CRTC3: variants seen among roughly 807,000 people sequenced by gnomAD.
CRTC3 encodes CREB-regulated transcription coactivator 3.
CRTC3 carries 26 observed loss-of-function variants against 74.5 expected under a neutral mutation model. The observed-to-expected ratio is 0.35, with a 90% CI of 0.26 to 0.48. CRTC3 has a LOEUF of 0.48. Among genes scored for constraint, CRTC3 ranks in the 20% least tolerant of loss-of-function variants. The pLI is 0.99. For synonymous variants in CRTC3, 377 were observed against 325.8 expected (o/e 1.16, Z -1.69); for missense variants, 760 against 787.3 (o/e 0.97, Z 0.41).
At chr15:90,559,586 G>T (rs1966968665) in intron 2 of CRTC3, among the ~76,000 whole-genome samples, 1 of 152,112 alleles carries the variant, frequency 6.6e-6, no homozygotes, top group Non-Finnish European at 1.5e-5. Flanking sequence ...TTTCCTGATT[G>T]CTGGAAAAGT....
At chr15:90,601,969 G>A (rs1356102113) in intron 3 of CRTC3, among the ~76,000 whole-genome samples, 2 of 152,126 alleles carry the variant, frequency 1.3e-5, no homozygotes, top group Non-Finnish European at 2.9e-5. Context: ...GTTTCCAGGG[G>A]GTGAGGTACC....
chr15:90,606,284 A>G (rs1314979750), intron 5 of CRTC3, among the ~76,000 whole-genome samples: 4 of 136,392 alleles, frequency 2.9e-5, no homozygotes, highest in African/African-American at 1.1e-4. Flanking sequence ...AAAATAGGCC[A>G]GGCACAGTGG....
chr15:90,638,815 G>A lies in CRTC3; in HGVS notation c.1548G>A (p.Gln516=). 2 of 1,613,420 alleles carry A rather than the reference G, an allele frequency of 1.2e-6. No individual in the cohort carries two copies. Among genetic ancestry groups the A allele is most frequent in the Non-Finnish European group, 1.7e-6 (2 of 1,179,402 alleles). Residue 516 remains glutamine, a splice_region_variant and synonymous_variant, in exon 13 of 15, where the codon CAG becomes CAA. Transcript: ENST00000268184. ...SMRPGPAFPQ[Q]VPLVQQGSRE... is the part of the protein sequence containing the mutation. ...GGCCAGGCCCTGCCTTTCCTCAACA[G>A]GTGGGTGATCGCCCCTGCCTTCTCC...
intron 3 of CRTC3, chr15:90,599,518 T>A (rs894193386): frequency 3.9e-5 from 6 of 152,236 alleles, no homozygotes; most frequent in Non-Finnish European, 7.3e-5. Flanking sequence ...AATAAACTTC[T>A]TCTAGATTTT....
intron 1 of CRTC3, among the ~76,000 whole-genome samples, chr15:90,531,392 C>CTA (rs1203438903): frequency 6.6e-6 from 1 of 152,124 alleles, no homozygotes; most frequent in Admixed American, 6.6e-5. Context: ...AGTAAGAACT[C>CTA]TAGTTTGCCA....
intron 2 of CRTC3, among the ~76,000 whole-genome samples, chr15:90,542,409 C>T (rs145778816): frequency 0.021 from 3,176 of 151,988 alleles, 49 homozygotes; most frequent in Non-Finnish European, 0.032. Context: ...GAACTCCTGA[C>T]CTCAGGTGAT....
chr15:90,632,951 G>T (rs1464342882), intron 11 of CRTC3, among the ~76,000 whole-genome samples: 2 of 152,016 alleles, frequency 1.3e-5, no homozygotes, highest in Non-Finnish European at 2.9e-5. Flanking sequence ...TTGGTGTTAG[G>T]CATTATCTAA....
chr15:90,613,129 G>T (rs1436077494), intron 6 of CRTC3, among the ~76,000 whole-genome samples: 2 of 148,814 alleles, frequency 1.3e-5, no homozygotes, highest in Non-Finnish European at 3.0e-5. Flanking sequence ...GTTGCAGTGA[G>T]CCAAGGTCAC....
rs775842153 is a variant in CRTC3, at chr15:90,638,763, A to C, written c.1496A>C (p.Asp499Ala). 2 of 1,614,116 alleles carry C rather than the reference A, an allele frequency of 1.2e-6. No individual in the cohort carries two copies. Among genetic ancestry groups the C allele is most frequent in the Non-Finnish European group, 1.7e-6 (2 of 1,180,010 alleles). ...TCATCTTTGACCAACTTCTTCCCAG[A>C]TGTGGGTTTTGACCAGCAGTCCATG... is the stretch of plus-strand genomic sequence containing the variant. ...QGSSLTNFFP[D>A]VGFDQQSMRP... Residue 499 changes from aspartate to alanine, a missense_variant, in exon 13 of 15, where the codon GAT becomes GCT. This residue lies in a region of CRTC3 where 652 missense variants were observed against 635.2 expected (regional missense o/e 1.03). Transcript: ENST00000268184.
chr15:90,642,220 C>A lies in CRTC3; in HGVS notation c.*80C>A. ...AATAGAATGAAGCCAGCTGATACCACGGGCTTTCGTTATCTTGACATAGAA... is the reference window on the plus strand; with the variant it reads ...AATAGAATGAAGCCAGCTGATACCAAGGGCTTTCGTTATCTTGACATAGAA... On this transcript the variant is annotated 3_prime_UTR_variant, in exon 15 of 15. Coordinates refer to ENST00000268184, the MANE Select transcript of CRTC3 (RefSeq NM_022769.5). The A allele has an allele frequency of 3.2e-6, 4 of 1,231,774 alleles. No homozygotes were observed. Among genetic ancestry groups the A allele is most frequent in the Non-Finnish European group, 4.7e-6 (4 of 853,986 alleles). 76.3% of individuals were successfully genotyped at this position (1,231,774 alleles called of 1,614,324 possible). A position where few individuals can be genotyped will look rare whatever the true frequency, so the allele number is the denominator to read the frequency against.
At chr15:90,571,119 C>G (rs1394205119) in intron 2 of CRTC3, among the ~76,000 whole-genome samples, 1 of 152,148 alleles carries the variant, frequency 6.6e-6, no homozygotes, top group Non-Finnish European at 1.5e-5. Context: ...GCGTGTCAGA[C>G]ACAATGCTTG....
chr15:90,617,794 G>T, intron 7 of CRTC3, 89 bp from the exon 8 acceptor site: 1 of 836,178 alleles, frequency 1.2e-6, no homozygotes, highest in Non-Finnish European at 2.0e-6. Flanking sequence ...GCCCCATAAA[G>T]TGCTAGGATT....
chr15:90,610,708 T>A (rs7183485), intron 6 of CRTC3, among the ~76,000 whole-genome samples: 143,704 of 152,286 alleles, frequency 0.94, 68,005 homozygotes, highest in Middle Eastern at 0.99. Context: ...CATTTCACAC[T>A]TACATGCAGA....
chr15:90,561,885 T>G (rs193099918), intron 2 of CRTC3, among the ~76,000 whole-genome samples: 26 of 152,348 alleles, frequency 1.7e-4, no homozygotes, highest in African/African-American at 4.6e-4. Context: ...AGTTGTTTAT[T>G]ATTACTGTGG....
At chr15:90,616,669 T>A (rs999197369) in intron 7 of CRTC3, among the ~76,000 whole-genome samples, 2 of 152,238 alleles carry the variant, frequency 1.3e-5, no homozygotes, top group Non-Finnish European at 2.9e-5. Context: ...TCCTGAGGGC[T>A]GGCCCTTGTT....
At chr15:90,639,741 TGCCCA>T (rs1340241841) in intron 13 of CRTC3, among the ~76,000 whole-genome samples, 1 of 148,092 alleles carries the variant, frequency 6.8e-6, no homozygotes, top group Non-Finnish European at 1.5e-5. Flanking sequence ...CGAGCCACTG[TGCCCA>T]GCCAAGAACT....
chr15:90,641,467 G>A lies in CRTC3; in HGVS notation c.1651+268G>A, dbSNP rs1329925889. Among the ~76,000 whole-genome samples the A allele has an allele frequency of 2.6e-5, 4 of 152,196 alleles. No homozygotes were observed. The East Asian group carries it at 7.7e-4, about 29-fold the overall frequency. On this transcript the variant is annotated intron_variant, in intron 14 of 14. Coordinates refer to ENST00000268184, the MANE Select transcript of CRTC3 (RefSeq NM_022769.5). ...AATCCCAGCACTTTGGGAGGCCGAG[G>A]TGGGCGGATCATCAGGTCAGGAGAT...
chr15:90,583,780 T>G (rs968556350), intron 2 of CRTC3, among the ~76,000 whole-genome samples: 3 of 152,004 alleles, frequency 2.0e-5, no homozygotes, highest in Non-Finnish European at 4.4e-5. Flanking sequence ...AGAGGCTGGC[T>G]GGGTGCTGGC....
rs1196511557 is a variant in CRTC3 at position 90,529,952 on chromosome 15, G to A, written c.-120G>A. 1 of 779,340 alleles carries A rather than the reference G, an allele frequency of 1.3e-6. No homozygotes were observed. The highest frequency in any genetic ancestry group is 5.7e-5 in the Admixed American group (1 of 17,478). 48.3% of individuals were successfully genotyped at this position (779,340 alleles called of 1,614,324 possible). A position where few individuals can be genotyped will look rare whatever the true frequency, so the allele number is the denominator to read the frequency against. ...CCGGGGCCGCGGCGGCTCCTCTGCCGGGTCGCGCCGGACGACTGGCTTCGG... is the reference window on the plus strand; with the variant it reads ...CCGGGGCCGCGGCGGCTCCTCTGCCAGGTCGCGCCGGACGACTGGCTTCGG... On this transcript the variant is annotated 5_prime_UTR_variant, in exon 1 of 15. Transcript: ENST00000268184.
Sources: allele counts gnomAD v4.1 joint callset (sites outside exome capture counted in the v4.1 genomes callset), GRCh38; gene constraint gnomAD v4.1.1; regional missense constraint gnomAD v4.1.1; transcripts MANE v1.5; gene names NCBI Gene and HGNC (gene_info 2026-07-23, HGNC 2026-07-21).